The following CNTN4 variants were observed in gnomAD, a reference collection of about 807,000 sequenced individuals.
CNTN4 encodes contactin 4, also known as contactin-4.
CNTN4 carries 77 observed loss-of-function variants against 122.5 expected under a neutral mutation model. That is an observed-to-expected ratio of 0.63 (90% CI 0.52 to 0.76). The LOEUF (loss-of-function observed/expected upper bound fraction) is 0.76. Among genes scored for constraint, CNTN4 ranks in the 30% least tolerant of loss-of-function variants. The pLI, the probability that CNTN4 is intolerant of heterozygous loss-of-function variation, is 0.00. For missense variants in CNTN4, 1,256 were observed against 1,259.1 expected (o/e 1.00, Z 0.04); for synonymous variants, 512 against 447.0 (o/e 1.15, Z -1.83).
At chr3:2,632,280 G>T (rs190161533) in intron 4 of CNTN4, among the ~76,000 whole-genome samples, 1 of 152,156 alleles carries the variant, frequency 6.6e-6, no homozygotes, top group Admixed American at 6.5e-5. Context: ...AGACAAAATT[G>T]GTTTTCAAAA....
chr3:2,318,218 TAAA>T (rs372313468), intron 2 of CNTN4, among the ~76,000 whole-genome samples: 2 of 112,658 alleles, frequency 1.8e-5, no homozygotes. Flanking sequence ...AACTTGTCCC[TAAA>T]AAAAAAAAAA....
chr3:2,601,537 T>A (rs1298960970), intron 4 of CNTN4, among the ~76,000 whole-genome samples: 1 of 152,106 alleles, frequency 6.6e-6, no homozygotes. Context: ...TTCTGAGGGC[T>A]CTGTTCTGTT....
At chr3:2,584,605 G>A (rs1037972705) in intron 4 of CNTN4, among the ~76,000 whole-genome samples, 3 of 147,742 alleles carry the variant, frequency 2.0e-5, no homozygotes, top group African/African-American at 5.0e-5. Context: ...TCAGGAGGCT[G>A]AGAATCACTT....
chr3:2,728,954 T>C (rs1576589586), intron 4 of CNTN4, among the ~76,000 whole-genome samples: 1 of 152,240 alleles, frequency 6.6e-6, no homozygotes, highest in Non-Finnish European at 1.5e-5. Context: ...CAGCACTTCA[T>C]ACCTGCCATT....
At chr3:2,672,254 G>GA (rs2084566201) in intron 4 of CNTN4, among the ~76,000 whole-genome samples, 1 of 152,130 alleles carries the variant, frequency 6.6e-6, no homozygotes, top group Non-Finnish European at 1.5e-5. Flanking sequence ...AGCTGTGGTG[G>GA]GCTCCACCCA....
chr3:2,736,751 C>T (rs1028238897), intron 5 of CNTN4, among the ~76,000 whole-genome samples: 2 of 151,792 alleles, frequency 1.3e-5, no homozygotes, highest in East Asian at 1.9e-4. Flanking sequence ...GCGTGAGCCA[C>T]CACACCCGGA....
intron 14 of CNTN4, among the ~76,000 whole-genome samples, chr3:3,018,238 C>T (rs769123059): frequency 6.6e-6 from 1 of 152,168 alleles, no homozygotes; most frequent in Non-Finnish European, 1.5e-5. Flanking sequence ...GGTTTTCTCC[C>T]TGGTGTGAAA....
At chr3:2,698,941 G>T (rs2728031) in intron 4 of CNTN4, among the ~76,000 whole-genome samples, 122,750 of 151,926 alleles carry the variant, frequency 0.81, 49,890 homozygotes, top group African/African-American at 0.89. Flanking sequence ...GAGAATTGCT[G>T]GAACCCGGGA....
intron 3 of CNTN4, among the ~76,000 whole-genome samples, chr3:2,538,954 C>T (rs1209013961): frequency 6.6e-6 from 1 of 151,852 alleles, no homozygotes; most frequent in African/African-American, 2.4e-5. Flanking sequence ...AATCCCCATA[C>T]AATTTTCCAT....
chr3:2,112,145 G>T (rs115830269), intron 2 of CNTN4, among the ~76,000 whole-genome samples: 2,701 of 152,166 alleles, frequency 0.018, 38 homozygotes, highest in Non-Finnish European at 0.026. Flanking sequence ...CTATGGTCAA[G>T]AATCTTATTT....
At chr3:3,008,403 A>G (rs1696860432) in intron 14 of CNTN4, among the ~76,000 whole-genome samples, 1 of 152,204 alleles carries the variant, frequency 6.6e-6, no homozygotes, top group Non-Finnish European at 1.5e-5. Flanking sequence ...ATTTTTTAAG[A>G]CTAAATAACA....
At chr3:2,810,924 G>A (rs2092589917) in intron 6 of CNTN4, among the ~76,000 whole-genome samples, 1 of 151,980 alleles carries the variant, frequency 6.6e-6, no homozygotes, top group South Asian at 2.1e-4. Context: ...TCAGCACCTG[G>A]GACAGCTCTG....
intron 3 of CNTN4, among the ~76,000 whole-genome samples, chr3:2,442,890 T>A (rs2151295760): frequency 6.6e-6 from 1 of 152,314 alleles, no homozygotes; most frequent in Non-Finnish European, 1.5e-5. Context: ...ACTTTGTCTC[T>A]GAAGAAGTAT....
chr3:2,240,432 C>G (rs973688528), intron 2 of CNTN4, among the ~76,000 whole-genome samples: 14 of 151,818 alleles, frequency 9.2e-5, no homozygotes, highest in Non-Finnish European at 1.6e-4. Flanking sequence ...CCAAATATAC[C>G]AACAGCAGAT....
At chr3:2,230,885 G>C (rs2039459531) in intron 2 of CNTN4, among the ~76,000 whole-genome samples, 1 of 152,056 alleles carries the variant, frequency 6.6e-6, no homozygotes, top group Admixed American at 6.6e-5. Flanking sequence ...TTACTCAGGA[G>C]ACTGAGGTGA....
At chr3:2,269,914 GTTTATTTATTTATTTATTTATTTATTTA>G (rs777408553) in intron 2 of CNTN4, among the ~76,000 whole-genome samples, 17 of 54,798 alleles carry the variant, frequency 3.1e-4, no homozygotes, top group African/African-American at 8.3e-4. Context: ...TTGTTTGTTT[GTTTATTTATTTATTTATTTATTTATTTA>G]TTTATTTATT....
At chr3:2,793,541 A>G (rs78667287) in intron 6 of CNTN4, among the ~76,000 whole-genome samples, 5,034 of 152,178 alleles carry the variant, frequency 0.033, 276 homozygotes, top group African/African-American at 0.11. Flanking sequence ...ATGAAAGAGC[A>G]TCGAAGCTGT....
intron 4 of CNTN4, among the ~76,000 whole-genome samples, chr3:2,727,636 C>G (rs2088326761): frequency 6.6e-6 from 1 of 152,172 alleles, no homozygotes; most frequent in Non-Finnish European, 1.5e-5. Flanking sequence ...TTTTTAGCTC[C>G]CAGCACTTCC....
chr3:2,503,624 C>CCAGG (rs1478749607), intron 3 of CNTN4, among the ~76,000 whole-genome samples: 2 of 152,072 alleles, frequency 1.3e-5, no homozygotes, highest in Non-Finnish European at 2.9e-5. Flanking sequence ...ACCCATGATA[C>CCAGG]CAGGCTGTCT....
Sources: gnomAD v4.1 joint callset for allele counts (sites outside exome capture counted in the v4.1 genomes callset) on GRCh38, gnomAD v4.1.1 for gene constraint, MANE v1.5 for transcripts, NCBI Gene and HGNC (gene_info 2026-07-23, HGNC 2026-07-21) for gene names.